Variants in KIAA0825 observed in about 807,000 individuals in gnomAD.
The protein encoded by KIAA0825 is KIAA0825.
A neutral mutation model predicts 147.6 loss-of-function variants in KIAA0825; 119 were observed. The ratio of observed to expected loss-of-function variants is 0.81; its 90% CI spans 0.69 to 0.94. KIAA0825 has a LOEUF of 0.94. Among genes scored for constraint, KIAA0825 ranks in the 40% least tolerant of loss-of-function variants. KIAA0825 has a pLI of 0.00. For synonymous variants in KIAA0825, 470 were observed against 518.1 expected (o/e 0.91, Z 1.26); for missense variants, 1,381 against 1,472.7 (o/e 0.94, Z 1.02).
At chr5:94,313,332 C>A (rs1224053555) in intron 20 of KIAA0825, among the ~76,000 whole-genome samples, 1 of 151,534 alleles carries the variant, frequency 6.6e-6, no homozygotes, top group Non-Finnish European at 1.5e-5. Flanking sequence ...TTTTACGGCT[C>A]GATATGAATA....
intron 20 of KIAA0825, among the ~76,000 whole-genome samples, chr5:94,318,458 A>G (rs2150233665): frequency 6.6e-6 from 1 of 152,032 alleles, no homozygotes; most frequent in South Asian, 2.1e-4. Flanking sequence ...GCTACTTTAG[A>G]AAAAAGCCAT....
intron 20 of KIAA0825, among the ~76,000 whole-genome samples, chr5:94,379,451 T>C (rs1440515305): frequency 6.6e-6 from 1 of 152,222 alleles, no homozygotes; most frequent in African/African-American, 2.4e-5. Context: ...TTCTGTTCCA[T>C]TGGTCTATGG....
At chr5:94,393,157 C>T (rs1750142237) in intron 17 of KIAA0825, among the ~76,000 whole-genome samples, 1 of 152,128 alleles carries the variant, frequency 6.6e-6, no homozygotes, top group Non-Finnish European at 1.5e-5. Flanking sequence ...ATGAGTTCCT[C>T]TCCGGATTTG....
intron 20 of KIAA0825, among the ~76,000 whole-genome samples, chr5:94,384,040 C>T (rs947438479): frequency 6.6e-6 from 1 of 152,020 alleles, no homozygotes; most frequent in African/African-American, 2.4e-5. Flanking sequence ...TTGGTCTTTA[C>T]AATAGTGAAC....
chr5:94,241,802 T>C (rs1161951185), intron 20 of KIAA0825, among the ~76,000 whole-genome samples: 1 of 152,198 alleles, frequency 6.6e-6, no homozygotes, highest in African/African-American at 2.4e-5. Context: ...TTCTCCTCAA[T>C]GTAAATCAGG....
chr5:94,292,018 C>T (rs889115966), intron 20 of KIAA0825, among the ~76,000 whole-genome samples: 3 of 152,100 alleles, frequency 2.0e-5, no homozygotes, highest in Non-Finnish European at 2.9e-5. Flanking sequence ...TGGGCTGAGA[C>T]GATGGGGTGT....
At chr5:94,386,723 C>T (rs1171552956) in intron 18 of KIAA0825, among the ~76,000 whole-genome samples, 4 of 152,116 alleles carry the variant, frequency 2.6e-5, no homozygotes, top group African/African-American at 9.7e-5. Flanking sequence ...CACATATTAA[C>T]GTGTCTGGTT....
intron 13 of KIAA0825, among the ~76,000 whole-genome samples, chr5:94,440,490 A>T (rs1278972527): frequency 1.3e-5 from 2 of 152,014 alleles, no homozygotes; most frequent in Non-Finnish European, 2.9e-5. Flanking sequence ...TGTGCTATTA[A>T]CTCCTTTCCT....
intron 20 of KIAA0825, among the ~76,000 whole-genome samples, chr5:94,302,005 T>C (rs1167606441): frequency 6.6e-6 from 1 of 152,152 alleles, no homozygotes; most frequent in Non-Finnish European, 1.5e-5. Flanking sequence ...CGAATGCATT[T>C]GTAACTGAAA....
chr5:94,391,733 A>T (rs114483743), intron 17 of KIAA0825, 39 bp from the exon 18 acceptor site: 8 of 1,428,584 alleles, frequency 5.6e-6, no homozygotes, highest in African/African-American at 1.4e-5. Context: ...AGTAGTGAAG[A>T]ATTGTAAAGA....
chr5:94,592,508 G>T (rs1300103608), intron 1 of KIAA0825, among the ~76,000 whole-genome samples: 1 of 152,156 alleles, frequency 6.6e-6, no homozygotes, highest in Non-Finnish European at 1.5e-5. Context: ...TGAGGGTTGG[G>T]TGAGACAACC....
chr5:94,308,325 T>G (rs1778876127), intron 20 of KIAA0825, among the ~76,000 whole-genome samples: 1 of 151,724 alleles, frequency 6.6e-6, no homozygotes, highest in African/African-American at 2.4e-5. Context: ...AAATTTAAAT[T>G]AGAATTTAAG....
intron 16 of KIAA0825, among the ~76,000 whole-genome samples, chr5:94,402,085 G>A (rs566015606): frequency 6.6e-6 from 1 of 152,070 alleles, no homozygotes; most frequent in East Asian, 1.9e-4. Context: ...ATATTCATGG[G>A]ATCTGACATT....
intron 15 of KIAA0825, among the ~76,000 whole-genome samples, chr5:94,407,266 G>A (rs1341649875): frequency 6.6e-6 from 1 of 152,138 alleles, no homozygotes. Context: ...TGTAAAAGGC[G>A]AAGGCAGAGT....
intron 20 of KIAA0825, among the ~76,000 whole-genome samples, chr5:94,344,245 A>G (rs1584190772): frequency 6.6e-6 from 1 of 152,260 alleles, no homozygotes; most frequent in African/African-American, 2.4e-5. Flanking sequence ...GTTGTCATAC[A>G]TGGAATACTA....
chr5:94,310,158 A>G (rs1169164846), intron 20 of KIAA0825, among the ~76,000 whole-genome samples: 1 of 151,694 alleles, frequency 6.6e-6, no homozygotes, highest in Non-Finnish European at 1.5e-5. Context: ...TTCCTATTCC[A>G]TCCTTTGGAA....
In KIAA0825 at chr5:94,352,190, A is replaced by G. The variant is rs188620712; in HGVS notation, c.3710+32178T>C. 5.9e-5 allele frequency among the ~76,000 whole-genome samples: 9 copies of G among 152,370 alleles called. No homozygotes were observed. The East Asian group carries it at 1.5e-3, about 26-fold the overall frequency. On this transcript the variant is annotated intron_variant, in intron 20 of 20. Transcript: ENST00000682413. Reference sequence around the variant, plus strand: ...TACATCTGACAAAGGACTCATATCCAGAATTTACAAAGAACTCAAACAAAT... The same window carrying G: ...TACATCTGACAAAGGACTCATATCCGGAATTTACAAAGAACTCAAACAAAT...
chr5:94,179,982 A>G (rs997592589), intron 20 of KIAA0825, among the ~76,000 whole-genome samples: 2 of 152,108 alleles, frequency 1.3e-5, no homozygotes, highest in African/African-American at 4.8e-5. Context: ...CACGGTAACA[A>G]TTGCCACACA....
At chr5:94,387,530 C>A (rs976574753) in intron 18 of KIAA0825, among the ~76,000 whole-genome samples, 3 of 152,002 alleles carry the variant, frequency 2.0e-5, no homozygotes, top group African/African-American at 7.3e-5. Context: ...CCCATCTCTA[C>A]TAAAAATACA....
Sources: gnomAD v4.1 joint callset for allele counts (sites outside exome capture counted in the v4.1 genomes callset) on GRCh38, gnomAD v4.1.1 for gene constraint, MANE v1.5 for transcripts, NCBI Gene and HGNC (gene_info 2026-07-23, HGNC 2026-07-21) for gene names.